The following NR2F1-AS1 variants were observed in gnomAD, a reference collection of about 807,000 sequenced individuals.
NR2F1-AS1 encodes the protein NR2F1 antisense RNA 1.
chr5:93,556,438 C>T (rs1013674300), intron 2 of NR2F1-AS1, among the ~76,000 whole-genome samples: 14 of 152,152 alleles, frequency 9.2e-5, no homozygotes, highest in African/African-American at 3.1e-4. Context: ...AAAGAGTTTT[C>T]GAATCTATCT....
At chr5:93,550,965 GT>G (rs77653815) in intron 4 of NR2F1-AS1, among the ~76,000 whole-genome samples, 154 of 142,482 alleles carry the variant, frequency 1.1e-3, no homozygotes, top group African/African-American at 1.3e-3. Context: ...AAATTCTTAG[GT>G]TTTTTTTTTT....
At chr5:93,442,649 G>A (rs1749598341) in intron 4 of NR2F1-AS1, among the ~76,000 whole-genome samples, 1 of 152,182 alleles carries the variant, frequency 6.6e-6, no homozygotes, top group African/African-American at 2.4e-5. Flanking sequence ...GCAGAAACTT[G>A]TGTACACTTA....
chr5:93,444,143 T>C (rs1749638146), intron 4 of NR2F1-AS1, among the ~76,000 whole-genome samples: 1 of 152,178 alleles, frequency 6.6e-6, no homozygotes, highest in Non-Finnish European at 1.5e-5. Context: ...CTGCATCAAC[T>C]AGTGAGCAAA....
intron 4 of NR2F1-AS1, among the ~76,000 whole-genome samples, chr5:93,478,525 T>A (rs1329379442): frequency 2.6e-5 from 4 of 152,168 alleles, no homozygotes; most frequent in Non-Finnish European, 5.9e-5. Context: ...TGCTTCAGCC[T>A]CCTGAGTAGC....
intron 4 of NR2F1-AS1, among the ~76,000 whole-genome samples, chr5:93,516,922 T>C (rs529438801): frequency 6.6e-6 from 1 of 151,996 alleles, no homozygotes; most frequent in Admixed American, 6.6e-5. Flanking sequence ...AACAATAAAT[T>C]TACTAGAATG....
At chr5:93,425,169 G>GGAAA (rs1051946558) in intron 4 of NR2F1-AS1, among the ~76,000 whole-genome samples, 4 of 152,160 alleles carry the variant, frequency 2.6e-5, no homozygotes, top group African/African-American at 9.7e-5. Flanking sequence ...AGAGATCAGG[G>GGAAA]GAAATCTGGG....
chr5:93,580,102 G>T (rs893152550), intron 1 of NR2F1-AS1, among the ~76,000 whole-genome samples: 1 of 152,250 alleles, frequency 6.6e-6, no homozygotes, highest in African/African-American at 2.4e-5. Flanking sequence ...AGGAACAGCC[G>T]GGCCGGTGTT....
chr5:93,522,104 G>A (rs1006333798), intron 4 of NR2F1-AS1, among the ~76,000 whole-genome samples: 2 of 152,132 alleles, frequency 1.3e-5, no homozygotes, highest in Non-Finnish European at 2.9e-5. Flanking sequence ...AACGAATGCA[G>A]GAACAGGAAA....
chr5:93,439,432 C>T (rs1055558382), intron 4 of NR2F1-AS1, among the ~76,000 whole-genome samples: 8 of 152,156 alleles, frequency 5.3e-5, no homozygotes, highest in African/African-American at 1.9e-4. Context: ...GTAGCTGGGA[C>T]TACAGGTGCC....
chr5:93,436,678 T>C (rs1749438956), intron 4 of NR2F1-AS1, among the ~76,000 whole-genome samples: 1 of 152,178 alleles, frequency 6.6e-6, no homozygotes, highest in Non-Finnish European at 1.5e-5. Context: ...ATAAAGCCAA[T>C]ACATTTGTCA....
chr5:93,567,429 A>G (rs185078507), intron 1 of NR2F1-AS1, among the ~76,000 whole-genome samples: 34 of 152,296 alleles, frequency 2.2e-4, no homozygotes, highest in African/African-American at 6.3e-4. Flanking sequence ...AAAGTTTGCC[A>G]TAGCTTTCCT....
At chr5:93,431,084 T>A (rs1199729787) in intron 4 of NR2F1-AS1, among the ~76,000 whole-genome samples, 2 of 152,108 alleles carry the variant, frequency 1.3e-5, no homozygotes, top group Non-Finnish European at 2.9e-5. Context: ...CGTAATGATG[T>A]CTTCAGCTGG....
At chr5:93,478,133 C>A (rs1309263166) in intron 4 of NR2F1-AS1, among the ~76,000 whole-genome samples, 3 of 152,160 alleles carry the variant, frequency 2.0e-5, no homozygotes, top group Non-Finnish European at 4.4e-5. Flanking sequence ...GCAGACTGCA[C>A]ACAGCCATGA....
intron 4 of NR2F1-AS1, chr5:93,543,477 G>T (rs1490193710): frequency 2.0e-5 from 3 of 152,144 alleles, no homozygotes; most frequent in East Asian, 3.9e-4. Context: ...AAAACTCAAT[G>T]TATTGCATTT....
chr5:93,504,696 C>G lies in NR2F1-AS1; in HGVS notation n.638+49065G>C, dbSNP rs572906163. ...TGAGGAAGAAGCAAAAGTGGAAACC[C>G]CTGATAAACCCATCAGATCTCCTGA... On this transcript the variant is annotated intron_variant and non_coding_transcript_variant, in intron 4 of 5. Coordinates refer to ENST00000660523, the Ensembl canonical transcript of NR2F1-AS1. Among the ~76,000 whole-genome samples the G allele has an allele frequency of 3.9e-5, 6 of 152,130 alleles. No individual in the cohort carries two copies. In the South Asian group the frequency reaches 1.2e-3, roughly 32 times the overall value.
At chr5:93,525,616 C>A (rs564895996) in intron 4 of NR2F1-AS1, among the ~76,000 whole-genome samples, 1 of 152,126 alleles carries the variant, frequency 6.6e-6, no homozygotes, top group Admixed American at 6.6e-5. Flanking sequence ...GAACAACATT[C>A]CTCAGCAAAT....
At chr5:93,535,682 G>A (rs1751824360) in intron 4 of NR2F1-AS1, among the ~76,000 whole-genome samples, 2 of 152,074 alleles carry the variant, frequency 1.3e-5, no homozygotes, top group Non-Finnish European at 2.9e-5. Flanking sequence ...TCATCGTAGA[G>A]ATGCAAAACA....
intron 4 of NR2F1-AS1, among the ~76,000 whole-genome samples, chr5:93,494,756 G>C (rs1430385789): frequency 3.9e-5 from 6 of 152,148 alleles, no homozygotes; most frequent in Admixed American, 3.9e-4. Flanking sequence ...ATCTGACTAA[G>C]AGAAATGAAA....
chr5:93,578,462 A>G (rs2149934085), intron 1 of NR2F1-AS1, among the ~76,000 whole-genome samples: 1 of 152,098 alleles, frequency 6.6e-6, no homozygotes, highest in South Asian at 2.1e-4. Flanking sequence ...AGGAAGGCAG[A>G]GGAAGGAAGG....
Sources: allele counts gnomAD v4.1 joint callset (sites outside exome capture counted in the v4.1 genomes callset), GRCh38; gene constraint gnomAD v4.1.1; transcripts MANE v1.5; gene names NCBI Gene and HGNC (gene_info 2026-07-23, HGNC 2026-07-21).